CCDC3: variants seen among roughly 807,000 people sequenced by gnomAD.
CCDC3 encodes the protein coiled-coil domain-containing protein 3.
A neutral mutation model predicts 21.4 loss-of-function variants in CCDC3; 24 were observed. The ratio of observed to expected loss-of-function variants is 1.12; its 90% CI spans 0.81 to 1.58. The LOEUF (loss-of-function observed/expected upper bound fraction) is 1.58, where lower values mean the gene tolerates loss of function less well. Among genes scored for constraint, CCDC3 ranks in the 40% most tolerant of loss-of-function variants. The pLI, the probability that CCDC3 is intolerant of heterozygous loss-of-function variation, is 0.00. For synonymous variants in CCDC3, 186 were observed against 166.0 expected, an observed-to-expected ratio of 1.12 and a Z score of -0.93; for missense variants, 425 against 360.9, an observed-to-expected ratio of 1.18 and a Z score of -1.44.
chr10:13,051,760 C>T (rs1423814311), intron 4 of CCDC3, among the ~76,000 whole-genome samples: 2 of 151,832 alleles, frequency 1.3e-5, no homozygotes, highest in Non-Finnish European at 2.9e-5. Context: ...TGAGAATCAG[C>T]GTCCCAGACC....
rs1834025732 is a variant in CCDC3, at chr10:12,897,940, C to T, written c.*476G>A. ...TTGGATGCAAGGCCACCATCCCCTTCCAAAGATGTGGCCAGTGAGGTGCCA... is the reference window on the plus strand; with the variant it reads ...TTGGATGCAAGGCCACCATCCCCTTTCAAAGATGTGGCCAGTGAGGTGCCA... On this transcript the variant is annotated 3_prime_UTR_variant, in exon 3 of 3. Transcript: ENST00000378825. 1 of 154,272 alleles carries T rather than the reference C, an allele frequency of 6.5e-6. No homozygotes were observed. The allele number at this position is 154,272 out of a possible 1,614,324, so 9.6% of individuals were successfully genotyped here.
intron 2 of CCDC3, among the ~76,000 whole-genome samples, chr10:12,993,059 C>T (rs1564312717): frequency 6.6e-6 from 1 of 152,188 alleles, no homozygotes; most frequent in African/African-American, 2.4e-5. Context: ...AGCACAAACC[C>T]CTGTTACTAC....
chr10:12,905,623 C>A (rs1834159299), intron 2 of CCDC3, among the ~76,000 whole-genome samples: 1 of 152,192 alleles, frequency 6.6e-6, no homozygotes, highest in Admixed American at 6.5e-5. Flanking sequence ...GGTTCAAGGT[C>A]TCCACGATCC....
At chr10:12,914,519 C>G (rs1834320239) in intron 2 of CCDC3, among the ~76,000 whole-genome samples, 1 of 152,094 alleles carries the variant, frequency 6.6e-6, no homozygotes, top group African/African-American at 2.4e-5. Context: ...GTCCTTGGCT[C>G]ACTGCAACCT....
chr10:12,940,229 G>GTTT (rs34664068), intron 2 of CCDC3, among the ~76,000 whole-genome samples: 6 of 105,204 alleles, frequency 5.7e-5, no homozygotes, highest in Admixed American at 9.5e-5. Context: ...CATTGAAATT[G>GTTT]TTTTTTTTTT....
chr10:12,937,239 TC>T (rs955612344), intron 2 of CCDC3, among the ~76,000 whole-genome samples: 2 of 152,146 alleles, frequency 1.3e-5, no homozygotes, highest in Non-Finnish European at 2.9e-5. Context: ...CCCTGTATTT[TC>T]CCGTTTGACT....
intron 2 of CCDC3, among the ~76,000 whole-genome samples, chr10:12,988,368 C>G (rs1835630002): frequency 6.6e-6 from 1 of 151,460 alleles, no homozygotes; most frequent in Admixed American, 6.6e-5. Flanking sequence ...TTTTTTGAGA[C>G]AGAGTCTCGT....
At chr10:13,037,614 C>A (rs1275661232) in intron 5 of CCDC3, among the ~76,000 whole-genome samples, 1 of 152,176 alleles carries the variant, frequency 6.6e-6, no homozygotes, top group African/African-American at 2.4e-5. Flanking sequence ...TCACCCCCCT[C>A]TGAATTTGGC....
At chr10:12,903,608 G>A (rs571122159) in intron 2 of CCDC3, among the ~76,000 whole-genome samples, 5 of 152,280 alleles carry the variant, frequency 3.3e-5, no homozygotes, top group East Asian at 1.9e-4. Flanking sequence ...GGCAGGCCCC[G>A]CTCAGGCCTG....
At chr10:12,948,877 G>A (rs540548369) in intron 2 of CCDC3, among the ~76,000 whole-genome samples, 16 of 141,068 alleles carry the variant, frequency 1.1e-4, no homozygotes, top group African/African-American at 2.5e-4. Flanking sequence ...GACTACAGGC[G>A]CCCACCACCA....
At chr10:12,908,834 A>G (rs758618550) in intron 2 of CCDC3, among the ~76,000 whole-genome samples, 1 of 152,116 alleles carries the variant, frequency 6.6e-6, no homozygotes, top group East Asian at 1.9e-4. Context: ...CTCGTGGTCC[A>G]TCCGCCTTGG....
chr10:13,037,608 C>G (rs1361581136), intron 5 of CCDC3, among the ~76,000 whole-genome samples: 1 of 152,112 alleles, frequency 6.6e-6, no homozygotes, highest in Non-Finnish European at 1.5e-5. Flanking sequence ...AAGAGTTCAC[C>G]CCCCTCTGAA....
At chr10:12,990,417 T>C (rs1026864231) in intron 2 of CCDC3, among the ~76,000 whole-genome samples, 9 of 152,250 alleles carry the variant, frequency 5.9e-5, no homozygotes, top group Non-Finnish European at 1.3e-4. Flanking sequence ...TGTCTCAAGT[T>C]CTGAGATGAA....
chr10:12,959,726 A>G (rs1835149885), intron 2 of CCDC3, among the ~76,000 whole-genome samples: 1 of 152,172 alleles, frequency 6.6e-6, no homozygotes, highest in African/African-American at 2.4e-5. Flanking sequence ...AGAGAGGGTA[A>G]GCAGTGTGGC....
intron 5 of CCDC3, among the ~76,000 whole-genome samples, chr10:13,025,897 T>C (rs1836207558): frequency 1.3e-5 from 2 of 152,264 alleles, no homozygotes; most frequent in African/African-American, 4.8e-5. Context: ...TTTAAAAAAC[T>C]CACCCGGGCA....
At chr10:12,975,029 G>A (rs1012097772) in intron 2 of CCDC3, among the ~76,000 whole-genome samples, 2 of 152,308 alleles carry the variant, frequency 1.3e-5, no homozygotes, top group African/African-American at 4.8e-5. Flanking sequence ...ACTGAGGTTA[G>A]GAGATTTCGA....
intron 4 of CCDC3, among the ~76,000 whole-genome samples, chr10:13,065,678 C>G (rs1836812746): frequency 6.6e-6 from 1 of 152,198 alleles, no homozygotes; most frequent in Non-Finnish European, 1.5e-5. Flanking sequence ...CAGAATAGCT[C>G]CTCCATTCCT....
intron 5 of CCDC3, among the ~76,000 whole-genome samples, chr10:13,012,015 A>G (rs1196882215): frequency 8.5e-5 from 13 of 152,282 alleles, no homozygotes; most frequent in African/African-American, 2.9e-4. Context: ...TTGAAACTGG[A>G]CCCCTTCCTT....
intron 3 of CCDC3, among the ~76,000 whole-genome samples, chr10:13,097,683 C>T (rs567608326): frequency 1.3e-5 from 2 of 152,172 alleles, no homozygotes; most frequent in African/African-American, 4.8e-5. Flanking sequence ...GAGATTATGC[C>T]ACTGCACTCC....
Sources: allele counts gnomAD v4.1 joint callset (sites outside exome capture counted in the v4.1 genomes callset), GRCh38; gene constraint gnomAD v4.1.1; transcripts MANE v1.5; gene names NCBI Gene and HGNC (gene_info 2026-07-23, HGNC 2026-07-21).